TCERG1L: variants seen among roughly 807,000 people sequenced by gnomAD.
TCERG1L encodes the protein transcription elongation regulator 1-like protein.
Under a neutral mutation model 56.3 loss-of-function variants are expected in TCERG1L, and 37 were observed. That is an observed-to-expected ratio of 0.66 (90% CI 0.51 to 0.87). The LOEUF (loss-of-function observed/expected upper bound fraction) is 0.87. TCERG1L is among the 40% of genes least tolerant of loss of function. TCERG1L has a pLI of 0.00. For synonymous variants in TCERG1L, 324 were observed against 326.3 expected (o/e 0.99, Z 0.08); for missense variants, 799 against 774.2 (o/e 1.03, Z -0.38).
chr10:131,239,311 G>A (rs577176535), intron 4 of TCERG1L, among the ~76,000 whole-genome samples: 1 of 152,314 alleles, frequency 6.6e-6, no homozygotes, highest in East Asian at 1.9e-4. Context: ...TAAACAGATA[G>A]AAAAGAGCCT....
At chr10:131,310,185 T>C (rs550653461) in intron 1 of TCERG1L, among the ~76,000 whole-genome samples, 153 of 152,242 alleles carry the variant, frequency 1.0e-3, no homozygotes, top group African/African-American at 3.5e-3. Context: ...AGTGAAAAAA[T>C]GCAGTTTTTT....
intron 3 of TCERG1L, among the ~76,000 whole-genome samples, chr10:131,277,660 C>T (rs1219067720): frequency 3.9e-5 from 6 of 152,192 alleles, no homozygotes; most frequent in Admixed American, 2.0e-4. Context: ...CTTGAGGGTG[C>T]AAAGTCAGTG....
intron 9 of TCERG1L, among the ~76,000 whole-genome samples, chr10:131,112,366 C>T (rs1468512604): frequency 2.1e-5 from 3 of 142,712 alleles, no homozygotes; most frequent in African/African-American, 7.4e-5. Flanking sequence ...CTACCCCCAG[C>T]GGGCTCCTTC....
intron 8 of TCERG1L, among the ~76,000 whole-genome samples, chr10:131,117,976 G>A (rs369425004): frequency 3.9e-5 from 6 of 152,250 alleles, no homozygotes; most frequent in South Asian, 4.1e-4. Flanking sequence ...CAGGTCCGTC[G>A]GCTGCCACCC....
At chr10:131,205,702 G>C (rs1184724104) in intron 4 of TCERG1L, among the ~76,000 whole-genome samples, 1 of 152,244 alleles carries the variant, frequency 6.6e-6, no homozygotes, top group Non-Finnish European at 1.5e-5. Flanking sequence ...TCCTGGAAAG[G>C]CAGCATGTCC....
intron 3 of TCERG1L, among the ~76,000 whole-genome samples, chr10:131,307,137 T>C (rs995242588): frequency 6.6e-6 from 1 of 152,228 alleles, no homozygotes; most frequent in Non-Finnish European, 1.5e-5. Flanking sequence ...TTAAATTAAA[T>C]AGGAAACATG....
At chr10:131,226,339 A>G (rs939519677) in intron 4 of TCERG1L, among the ~76,000 whole-genome samples, 29 of 152,090 alleles carry the variant, frequency 1.9e-4, no homozygotes, top group African/African-American at 6.5e-4. Flanking sequence ...CGCCTCCTGA[A>G]GTGCTGGGAG....
chr10:131,179,851 C>T (rs1017549000), intron 4 of TCERG1L, among the ~76,000 whole-genome samples: 1 of 152,212 alleles, frequency 6.6e-6, no homozygotes, highest in African/African-American at 2.4e-5. Flanking sequence ...TGATTCCCCG[C>T]ACCCACTTCT....
At chr10:131,284,879 T>C (rs567195069) in intron 3 of TCERG1L, among the ~76,000 whole-genome samples, 3 of 152,222 alleles carry the variant, frequency 2.0e-5, no homozygotes, top group African/African-American at 7.2e-5. Context: ...ACTAAATACA[T>C]TGTATCAGTA....
At chr10:131,146,467 C>A in intron 7 of TCERG1L, 39 bp downstream of exon 7, 1 of 1,534,124 alleles carries the variant, frequency 6.5e-7, no homozygotes, top group African/African-American at 1.4e-5. Flanking sequence ...GCAGCTTAAA[C>A]ACTTCAAAGG....
chr10:131,305,321 G>T (rs903345010), intron 3 of TCERG1L, among the ~76,000 whole-genome samples: 1 of 152,082 alleles, frequency 6.6e-6, no homozygotes, highest in Non-Finnish European at 1.5e-5. Context: ...ATATAAAAAT[G>T]GGGTCCTTTA....
chr10:131,227,669 C>G (rs1412989897), intron 4 of TCERG1L, among the ~76,000 whole-genome samples: 1 of 152,204 alleles, frequency 6.6e-6, no homozygotes, highest in African/African-American at 2.4e-5. Flanking sequence ...GAGGGTTTTC[C>G]ATCAGGCGAG....
In TCERG1L at chr10:131,192,695, T is replaced by C. The variant is rs901963569; in HGVS notation, c.857-25810A>G. 1.7e-4 allele frequency among the ~76,000 whole-genome samples: 25 copies of C among 144,988 alleles called. 1 individual carries two copies. The East Asian group carries it at 2.1e-3, about 12-fold the overall frequency. On this transcript the variant is annotated intron_variant, in intron 4 of 11. Coordinates refer to ENST00000368642, the MANE Select transcript of TCERG1L (RefSeq NM_174937.4). ...CCATGAAAAGGAATGACATAATGTCTTTTTTGCAGCAATTTGGATGGAGCT... is the reference window on the plus strand; with the variant it reads ...CCATGAAAAGGAATGACATAATGTCCTTTTTGCAGCAATTTGGATGGAGCT...
intron 4 of TCERG1L, among the ~76,000 whole-genome samples, chr10:131,177,631 G>T (rs759519905): frequency 1.1e-4 from 17 of 152,264 alleles, no homozygotes; most frequent in Middle Eastern, 3.4e-3. Context: ...GCGTTAACAC[G>T]CCCAGCACAT....
intron 4 of TCERG1L, among the ~76,000 whole-genome samples, chr10:131,227,848 C>CTCTG (rs79492390): frequency 0.45 from 67,794 of 151,770 alleles, 15,412 homozygotes; most frequent in African/African-American, 0.54. Context: ...TTCCCGTGGT[C>CTCTG]TCTAATATTT....
intron 4 of TCERG1L, among the ~76,000 whole-genome samples, chr10:131,258,216 ACGC>A (rs1846194297): frequency 6.6e-6 from 1 of 152,342 alleles, no homozygotes; most frequent in African/African-American, 2.4e-5. Context: ...AGCAGAGACA[ACGC>A]CTTGCTCCCA....
At chr10:131,299,546 A>C (rs1202086475) in intron 3 of TCERG1L, among the ~76,000 whole-genome samples, 1 of 152,062 alleles carries the variant, frequency 6.6e-6, no homozygotes, top group Non-Finnish European at 1.5e-5. Flanking sequence ...TCTTCATCTT[A>C]GAGGGAAAAC....
intron 4 of TCERG1L, among the ~76,000 whole-genome samples, chr10:131,185,128 T>C (rs943285455): frequency 1.3e-5 from 2 of 152,022 alleles, no homozygotes; most frequent in African/African-American, 2.4e-5. Context: ...TACATATAGA[T>C]AAAAATATAG....
At chr10:131,263,480 C>T (rs1189914281) in intron 3 of TCERG1L, among the ~76,000 whole-genome samples, 1 of 152,148 alleles carries the variant, frequency 6.6e-6, no homozygotes, top group Non-Finnish European at 1.5e-5. Context: ...ACATCTGTGG[C>T]TTTTTCATGA....
Sources: allele counts gnomAD v4.1 joint callset (sites outside exome capture counted in the v4.1 genomes callset), GRCh38; gene constraint gnomAD v4.1.1; transcripts MANE v1.5; gene names NCBI Gene and HGNC (gene_info 2026-07-23, HGNC 2026-07-21).